NRXN1: variants seen among roughly 807,000 people sequenced by gnomAD.
The protein encoded by NRXN1 is neurexin-1.
A neutral mutation model predicts 150.9 loss-of-function variants in NRXN1; 39 were observed. The ratio of observed to expected loss-of-function variants is 0.26; its 90% confidence interval spans 0.20 to 0.34. NRXN1 has a LOEUF of 0.34. Ranked by LOEUF, NRXN1 falls within the 10% of genes least tolerant of loss-of-function variation. The pLI, the probability that NRXN1 is intolerant of heterozygous loss-of-function variation, is 1.00. For missense variants in NRXN1, 1,815 were observed against 1,949.9 expected (o/e 0.93, Z 1.30); for synonymous variants, 924 against 757.0 (o/e 1.22, Z -3.62).
chr2:49,923,558 T>C (rs1558510498), intron 22 of NRXN1, among the ~76,000 whole-genome samples: 1 of 152,174 alleles, frequency 6.6e-6, no homozygotes, highest in Admixed American at 6.5e-5. Flanking sequence ...AAGACTAAAA[T>C]TGTGCTTTTA....
chr2:50,089,270 C>T (rs1024670945), intron 19 of NRXN1, among the ~76,000 whole-genome samples: 1 of 152,170 alleles, frequency 6.6e-6, no homozygotes, highest in Non-Finnish European at 1.5e-5. Context: ...AAATGCCACA[C>T]TGCAATAGTA....
chr2:50,457,557 T>G (rs1479177393), intron 17 of NRXN1, among the ~76,000 whole-genome samples: 1 of 152,024 alleles, frequency 6.6e-6, no homozygotes, highest in Non-Finnish European at 1.5e-5. Context: ...TGCAGACTAT[T>G]AATCCAAAGA....
At chr2:50,670,026 T>G (rs990514664) in intron 5 of NRXN1, among the ~76,000 whole-genome samples, 3 of 151,788 alleles carry the variant, frequency 2.0e-5, no homozygotes, top group African/African-American at 7.2e-5. Context: ...AAAATAAATT[T>G]TAGGAGTAGT....
At chr2:51,009,420 T>C (rs1331665834) in intron 2 of NRXN1, 1 of 151,972 alleles carries the variant, frequency 6.6e-6, no homozygotes, top group African/African-American at 2.4e-5. Context: ...ACGGGCTATT[T>C]TCAAAGTATA....
At chr2:50,611,509 C>T (rs1409709750) in intron 8 of NRXN1, among the ~76,000 whole-genome samples, 1 of 152,142 alleles carries the variant, frequency 6.6e-6, no homozygotes, top group African/African-American at 2.4e-5. Context: ...GATGGGACTC[C>T]CTGAATCCAC....
intron 5 of NRXN1, among the ~76,000 whole-genome samples, chr2:50,821,454 T>C (rs576741369): frequency 6.6e-6 from 1 of 152,284 alleles, no homozygotes; most frequent in African/African-American, 2.4e-5. Context: ...AACTCCTATG[T>C]GCTTAAATCT....
rs200974417 is a variant in NRXN1 at position 50,053,329 on chromosome 2, G to T, written c.4070C>A (p.Thr1357Asn). 3.8e-5 allele frequency: 62 copies of T among 1,614,030 alleles called. No individual in the cohort carries two copies. The South Asian group carries it at 6.5e-4, about 17-fold the overall frequency. The change falls in exon 21 of 23, where the codon ACC becomes AAC. Residue 1357 changes from threonine to asparagine, a missense_variant. Physicochemically the swap from Thr to Asn is moderately conservative, Grantham distance 65. Around this residue, in one of 6 missense-constraint regions of NRXN1, gnomAD observed 265 missense variants for 307.1 expected, o/e 0.86. Transcript: ENST00000401669. The part of the protein sequence containing the change: ...MSTSIMETTT[T>N]LATSTARRGK... ...TCTTCTGGCTGTGCTAGTAGCCAGGGTCGTGGTAGTCTCCATAATTGATGT... is the reference window on the plus strand; with the variant it reads ...TCTTCTGGCTGTGCTAGTAGCCAGGTTCGTGGTAGTCTCCATAATTGATGT...
intron 14 of NRXN1, 75 bp downstream of exon 14, chr2:50,497,258 A>G: frequency 6.9e-6 from 8 of 1,153,192 alleles, no homozygotes; most frequent in Non-Finnish European, 9.5e-6. Flanking sequence ...TGTTCTTCTT[A>G]GTGTATATTT....
chr2:50,702,925 C>G (rs858932), intron 5 of NRXN1, among the ~76,000 whole-genome samples: 56,634 of 151,912 alleles, frequency 0.37, 10,731 homozygotes, highest in Non-Finnish European at 0.41. Flanking sequence ...TCAGGATGCC[C>G]TTTTTGTTTT....
Position 50,496,068 on chromosome 2 carries a change from T to G in NRXN1, c.2907A>C (p.Gly969=). The change falls in exon 15 of 23, where the codon GGA becomes GGC. Residue 969 remains glycine, a synonymous_variant. Coordinates refer to ENST00000401669, the MANE Select transcript of NRXN1 (RefSeq NM_001330078.2). ...KGYLHYVFDL[G]NGANLIKGSS... ...TTCCTTTGATGAGGTTAGCACCATTTCCCAAATCAAACACGTAATGTAAGT... is the reference window on the plus strand; with the variant it reads ...TTCCTTTGATGAGGTTAGCACCATTGCCCAAATCAAACACGTAATGTAAGT... 1.2e-6 allele frequency: 2 copies of G among 1,608,748 alleles called. No individual in the cohort carries two copies. The highest frequency in any genetic ancestry group is 1.7e-6 in the Non-Finnish European group (2 of 1,177,164).
intron 5 of NRXN1, among the ~76,000 whole-genome samples, chr2:50,727,580 A>G (rs1372243471): frequency 1.3e-5 from 2 of 152,190 alleles, no homozygotes; most frequent in African/African-American, 4.8e-5. Context: ...TTTTAAAAAT[A>G]CATCTTAAAA....
intron 19 of NRXN1, among the ~76,000 whole-genome samples, chr2:50,055,367 G>A (rs1326146264): frequency 1.3e-5 from 2 of 152,030 alleles, no homozygotes; most frequent in Admixed American, 1.3e-4. Flanking sequence ...TGACCTCAGG[G>A]TTTTGTCTTT....
At chr2:50,394,473 G>A (rs1016163218) in intron 17 of NRXN1, among the ~76,000 whole-genome samples, 2 of 151,888 alleles carry the variant, frequency 1.3e-5, no homozygotes, top group African/African-American at 2.4e-5. Flanking sequence ...TTTAAATTCC[G>A]CTTTCTTCCA....
intron 17 of NRXN1, among the ~76,000 whole-genome samples, chr2:50,280,645 C>A (rs576728427): frequency 1.3e-5 from 2 of 152,280 alleles, no homozygotes; most frequent in Admixed American, 1.3e-4. Flanking sequence ...TATGGCACAT[C>A]ATAGGTAGTT....
chr2:50,853,388 A>G (rs1043004695), intron 5 of NRXN1, among the ~76,000 whole-genome samples: 3 of 152,154 alleles, frequency 2.0e-5, no homozygotes, highest in Admixed American at 2.0e-4. Flanking sequence ...TATTATTTGA[A>G]GTGGAACAGG....
At chr2:50,772,104 T>C (rs1371618877) in intron 5 of NRXN1, among the ~76,000 whole-genome samples, 1 of 152,012 alleles carries the variant, frequency 6.6e-6, no homozygotes, top group African/African-American at 2.4e-5. Flanking sequence ...CCTGGGGTTA[T>C]GGGATACAGA....
intron 17 of NRXN1, among the ~76,000 whole-genome samples, chr2:50,400,484 T>C (rs973393589): frequency 6.6e-6 from 1 of 152,100 alleles, no homozygotes; most frequent in Non-Finnish European, 1.5e-5. Flanking sequence ...CTGATTGTAA[T>C]GAATATAATA....
intron 5 of NRXN1, among the ~76,000 whole-genome samples, chr2:50,688,570 C>T (rs1472428102): frequency 1.3e-5 from 2 of 152,152 alleles, no homozygotes; most frequent in Admixed American, 1.3e-4. Context: ...AATCCAGTTA[C>T]AGCCAGGTTT....
At chr2:50,076,201 G>T (rs974270036) in intron 19 of NRXN1, among the ~76,000 whole-genome samples, 10 of 152,108 alleles carry the variant, frequency 6.6e-5, no homozygotes, top group Admixed American at 6.6e-5. Flanking sequence ...TGTCTGCCAG[G>T]GTCAGGAGGA....
Sources: allele counts gnomAD v4.1 joint callset (sites outside exome capture counted in the v4.1 genomes callset), GRCh38; gene constraint gnomAD v4.1.1; regional missense constraint gnomAD v4.1.1; transcripts MANE v1.5; gene names NCBI Gene and HGNC (gene_info 2026-07-23, HGNC 2026-07-21).